Variants in METAP2 observed in about 807,000 individuals in gnomAD.
The protein encoded by METAP2 is methionyl aminopeptidase 2, also known as methionine aminopeptidase 2.
Under a neutral mutation model 59.4 loss-of-function variants are expected in METAP2, and 25 were observed. That is an observed-to-expected ratio of 0.42 (90% CI 0.31 to 0.59). METAP2 has a LOEUF of 0.59. Ranked by LOEUF, METAP2 falls within the 20% of genes least tolerant of loss-of-function variation. The pLI, the probability that METAP2 is intolerant of heterozygous loss-of-function variation, is 0.16. For synonymous variants in METAP2, 214 were observed against 194.1 expected (o/e 1.10, Z -0.85); for missense variants, 366 against 581.2 (o/e 0.63, Z 3.81).
Position 95,474,960 on chromosome 12 carries a change from C to T in METAP2, c.151+630C>T, listed in dbSNP as rs1006399798. Among the ~76,000 whole-genome samples the T allele has an allele frequency of 3.9e-5, 6 of 152,176 alleles. No individual in the cohort carries two copies. The East Asian group carries it at 7.7e-4, about 20-fold the overall frequency. The stretch of plus-strand genomic sequence containing the variant: ...CCCATAGCATCGCCAAGCTTTAGGG[C>T]CTTTAGACCTGAATTATGATACCAA... On this transcript the variant is annotated intron_variant, in intron 1 of 10. Transcript: ENST00000323666.
chr12:95,491,517 T>C (rs1257488441), intron 4 of METAP2, among the ~76,000 whole-genome samples: 3 of 152,202 alleles, frequency 2.0e-5, no homozygotes, highest in Non-Finnish European at 4.4e-5. Context: ...TAATTGTTAT[T>C]ATTATGTTTT....
intron 4 of METAP2, among the ~76,000 whole-genome samples, chr12:95,493,820 C>T (rs1252512404): frequency 6.6e-6 from 1 of 152,192 alleles, no homozygotes; most frequent in East Asian, 1.9e-4. Flanking sequence ...GTTCCTCTGA[C>T]TATGAATGAA....
intron 4 of METAP2, among the ~76,000 whole-genome samples, chr12:95,492,654 C>T (rs2076247732): frequency 6.6e-6 from 1 of 152,102 alleles, no homozygotes. Flanking sequence ...TGTCCTTGAA[C>T]TTCTGGGCTC....
rs772006245 is a variant in METAP2, at chr12:95,474,179, C to T, written c.-1C>T. The T allele has an allele frequency of 1.9e-6, 3 of 1,613,286 alleles. No homozygotes were observed. Among genetic ancestry groups the T allele is most frequent in the African/African-American group, 1.3e-5 (1 of 74,904 alleles). On this transcript the variant is annotated 5_prime_UTR_variant, in exon 1 of 11. Transcript: ENST00000323666. ...CATTCCCTCGCGCTCTCTCGGGCAA[C>T]ATGGCGGGTGTGGAGGAGGTAGCGG... is the stretch of plus-strand genomic sequence containing the variant.
Position 95,476,161 on chromosome 12 carries a change from G to A in METAP2, c.242G>A (p.Arg81Lys). Reference protein sequence around the residue: ...LERSALEDKERDEDDEDGDGD... With the variant: ...LERSALEDKEKDEDDEDGDGD... Reference sequence around the variant, plus strand: ...AGATCAGCATTGGAAGATAAAGAAAGAGATGAAGATGATGAAGGTAAATGG... The same window carrying A: ...AGATCAGCATTGGAAGATAAAGAAAAAGATGAAGATGATGAAGGTAAATGG... The change falls in exon 2 of 11, where the codon AGA (arginine) becomes AAA (lysine). Residue 81 changes from arginine to lysine, a missense_variant. Arg to Lys is a conservative substitution (Grantham distance 26). Transcript: ENST00000323666. 6.2e-7 allele frequency: 1 copy of A among 1,603,816 alleles called. No homozygotes were observed. Among genetic ancestry groups the A allele is most frequent in the Non-Finnish European group, 8.5e-7 (1 of 1,173,176 alleles).
intron 2 of METAP2, among the ~76,000 whole-genome samples, chr12:95,476,556 A>G (rs1310592156): frequency 6.9e-6 from 1 of 144,232 alleles, no homozygotes; most frequent in Non-Finnish European, 1.5e-5. Flanking sequence ...AGAAAATGTG[A>G]TATTCCTTAA....
chr12:95,506,541 C>T (rs79409158), intron 8 of METAP2, among the ~76,000 whole-genome samples: 36,007 of 151,598 alleles, frequency 0.24, 4,868 homozygotes, highest in East Asian at 0.48. Flanking sequence ...CCTCATGATC[C>T]GCCCGCCTCG....
At chr12:95,478,950 G>A (rs2076140011) in intron 2 of METAP2, among the ~76,000 whole-genome samples, 1 of 152,168 alleles carries the variant, frequency 6.6e-6, no homozygotes, top group Non-Finnish European at 1.5e-5. Context: ...GCTGGTGCCT[G>A]TAATCCCAGC....
rs2076424321 is a variant in METAP2, at chr12:95,513,904, A to G, written c.1437A>G (p.Ter479=). The change falls in exon 11 of 11, where the codon TAA becomes TAG. Residue 479 remains the stop codon, a stop_retained_variant. Transcript: ENST00000323666. ...TTGTCAGCAGAGGAGATGACTATTA[A>G]ACTTAGTCCAAAGCCACCTCAACAC... The part of the protein sequence containing the change: ...KEVVSRGDDY[*] 1 of 1,607,784 alleles carries G rather than the reference A, an allele frequency of 6.2e-7. No homozygotes were observed. Among genetic ancestry groups the G allele is most frequent in the Non-Finnish European group, 8.5e-7 (1 of 1,175,912 alleles).
chr12:95,497,268 C>T (rs150673211), intron 7 of METAP2, among the ~76,000 whole-genome samples: 1 of 152,312 alleles, frequency 6.6e-6, no homozygotes, highest in African/African-American at 2.4e-5. Flanking sequence ...CCTCTTCTCC[C>T]CCTACCCTGG....
intron 10 of METAP2, among the ~76,000 whole-genome samples, chr12:95,513,343 A>T (rs1453147136): frequency 2.0e-5 from 3 of 152,134 alleles, no homozygotes; most frequent in Non-Finnish European, 4.4e-5. Context: ...CTGCACACAA[A>T]AGGAAATTCA....
Position 95,514,185 on chromosome 12 carries a change from T to C in METAP2, c.*281T>C, listed in dbSNP as rs895773466. The C allele has an allele frequency of 5.1e-6, 2 of 390,490 alleles. No individual in the cohort carries two copies. The highest frequency in any genetic ancestry group is 2.1e-5 in the African/African-American group (1 of 48,160). The allele number at this position is 390,490 out of a possible 1,614,324, so 24.2% of individuals were successfully genotyped here. On this transcript the variant is annotated 3_prime_UTR_variant, in exon 11 of 11. Coordinates refer to ENST00000323666, the MANE Select transcript of METAP2 (RefSeq NM_006838.4). ...TTAGGAATGACTTATACGTTTTGTT[T>C]TGAATACCTAAGAGATACTTTTTGG... is the stretch of plus-strand genomic sequence containing the variant.
intron 6 of METAP2, among the ~76,000 whole-genome samples, chr12:95,495,543 C>T (rs1343320610): frequency 6.6e-6 from 1 of 152,062 alleles, no homozygotes; most frequent in Non-Finnish European, 1.5e-5. Flanking sequence ...CTCTCCAAAA[C>T]CTGGTTAGGT....
intron 2 of METAP2, 87 bp from the exon 3 acceptor site, chr12:95,483,128 T>A: frequency 1.1e-6 from 1 of 950,366 alleles, no homozygotes; most frequent in Non-Finnish European, 1.7e-6. Flanking sequence ...ATTTATTGAA[T>A]AGAGCAAATA....
chr12:95,487,726 T>G (rs1311270456), intron 4 of METAP2, among the ~76,000 whole-genome samples: 1 of 152,188 alleles, frequency 6.6e-6, no homozygotes, highest in African/African-American at 2.4e-5. Flanking sequence ...AGGGAATGTT[T>G]GATCATTGTT....
intron 8 of METAP2, among the ~76,000 whole-genome samples, chr12:95,511,544 A>G (rs1310610765): frequency 6.6e-6 from 1 of 151,638 alleles, no homozygotes; most frequent in Admixed American, 6.6e-5. Context: ...GGCCCCCACC[A>G]CCACACCCAG....
chr12:95,493,929 C>G, intron 4 of METAP2, 127 bp from the exon 5 acceptor site: 1 of 738,996 alleles, frequency 1.4e-6, no homozygotes, highest in Non-Finnish European at 2.0e-6. Flanking sequence ...ATTTCAGAAA[C>G]TTTATTGACA....
rs2140135264 is a variant in METAP2, at chr12:95,475,939, T to C, written c.152-132T>C. ...TTTTTCTGTCATTAAACGAATTCTG[T>C]TATGTTCACAATAATGTTTCTGTTT... On this transcript the variant is annotated intron_variant, in intron 1 of 10. Coordinates refer to ENST00000323666, the MANE Select transcript of METAP2 (RefSeq NM_006838.4). 8.6e-6 allele frequency: 5 copies of C among 583,314 alleles called. No individual in the cohort carries two copies. In the South Asian group the frequency reaches 1.1e-4, roughly 13 times the overall value. The allele number at this position is 583,314 out of a possible 1,614,324, so 36.1% of individuals were successfully genotyped here. A position where few individuals can be genotyped will look rare whatever the true frequency, so the allele number is the denominator to read the frequency against.
intron 2 of METAP2, among the ~76,000 whole-genome samples, chr12:95,479,421 C>G (rs1307319755): frequency 6.6e-6 from 1 of 152,026 alleles, no homozygotes; most frequent in Non-Finnish European, 1.5e-5. Context: ...GCCAGTTAGA[C>G]ATTGGGGGAG....
Sources: gnomAD v4.1 joint callset for allele counts (sites outside exome capture counted in the v4.1 genomes callset) on GRCh38, gnomAD v4.1.1 for gene constraint, MANE v1.5 for transcripts, NCBI Gene and HGNC (gene_info 2026-07-23, HGNC 2026-07-21) for gene names.